The following SKAP1 variants were observed in gnomAD, a reference collection of about 807,000 sequenced individuals.
SKAP1 encodes src kinase-associated phosphoprotein 1.
In SKAP1, 44 loss-of-function variants were observed where a neutral mutation model predicts 58.5. The ratio of observed to expected loss-of-function variants is 0.75; its 90% CI spans 0.59 to 0.97. The LOEUF is 0.97. SKAP1 is among the 50% of genes least tolerant of loss of function. The pLI is 0.00. For synonymous variants in SKAP1, 127 were observed against 149.7 expected, an observed-to-expected ratio of 0.85 and a Z score of 1.11; for missense variants, 390 against 435.2, an observed-to-expected ratio of 0.90 and a Z score of 0.92.
chr17:48,206,433 G>A (rs63720660), intron 4 of SKAP1, among the ~76,000 whole-genome samples: 6 of 31,618 alleles, frequency 1.9e-4, no homozygotes, highest in Non-Finnish European at 5.6e-4. Context: ...AAATAAAGAC[G>A]TTTTTTTTTA....
At chr17:48,318,570 T>C (rs1266754402) in intron 4 of SKAP1, among the ~76,000 whole-genome samples, 1 of 152,228 alleles carries the variant, frequency 6.6e-6, no homozygotes, top group Non-Finnish European at 1.5e-5. Context: ...CTTTTAAAAA[T>C]CTTTGCTTTC....
At chr17:48,399,234 C>T (rs1043904870) in intron 1 of SKAP1, among the ~76,000 whole-genome samples, 4 of 152,018 alleles carry the variant, frequency 2.6e-5, no homozygotes, top group Admixed American at 1.3e-4. Context: ...AAATGGGAAG[C>T]TGAATTAAAA....
At chr17:48,437,714 C>T in the SKAP1 span, among the ~76,000 whole-genome samples, 6 of 137,258 alleles carry the variant, frequency 4.4e-5, no homozygotes, top group Non-Finnish European at 9.1e-5. Flanking sequence ...TGCACTCCAG[C>T]CTGGGAGACA....
intron 4 of SKAP1, among the ~76,000 whole-genome samples, chr17:48,221,315 C>T (rs567329712): frequency 1.3e-5 from 2 of 152,000 alleles, no homozygotes; most frequent in African/African-American, 4.8e-5. Context: ...TTATGATTTG[C>T]GCATTTTTCT....
chr17:48,285,846 G>A (rs2065823710), intron 4 of SKAP1, among the ~76,000 whole-genome samples: 1 of 152,132 alleles, frequency 6.6e-6, no homozygotes, highest in Non-Finnish European at 1.5e-5. Context: ...AGATGTATAT[G>A]AACATTCCTG....
At position 48,401,947 on chromosome 17, in the gene SKAP1, C is replaced by A. The variant is rs189268415; in HGVS notation, c.47-5162G>T. Among the ~76,000 whole-genome samples the A allele has an allele frequency of 4.3e-3, 653 of 152,142 alleles. 4 individuals carry two copies. The highest frequency in any genetic ancestry group is 5.3e-3 in the Non-Finnish European group (363 of 67,992). ...AGTAATAATAAGACAAATAGCCCAA[C>A]TGAAAAATGAGAAAAGGAACTGAAT... On this transcript the variant is annotated intron_variant, in intron 1 of 12. Transcript: ENST00000336915.
chr17:48,410,934 C>CAA lies in SKAP1; in HGVS notation c.47-14151_47-14150dup, dbSNP rs61705374. 3.5e-3 allele frequency among the ~76,000 whole-genome samples: 236 copies of CAA among 66,806 alleles called. 2 individuals carry two copies. The highest frequency in any genetic ancestry group is 0.017 in the East Asian group (40 of 2,320). The allele number at this position is 66,806 out of a possible 152,430, so 43.8% of individuals were successfully genotyped here. On this transcript the variant is annotated intron_variant, in intron 1 of 12. Transcript: ENST00000336915. ...AGAGCGACAGAGCGAGACTCCATTT[C>CAA]AAAAAAAAAAAAAAAAAAAAAAAGA...
chr17:48,182,575 T>C, intron 7 of SKAP1, 118 bp from the exon 8 acceptor site: 2 of 691,574 alleles, frequency 2.9e-6, no homozygotes, highest in Non-Finnish European at 5.0e-6. Context: ...AGCTCAGGAT[T>C]CTCTGCCTGC....
At chr17:48,199,739 G>A (rs1279918831) in intron 4 of SKAP1, among the ~76,000 whole-genome samples, 3 of 152,062 alleles carry the variant, frequency 2.0e-5, no homozygotes, top group South Asian at 2.1e-4. Flanking sequence ...TAGAAAAAGG[G>A]CTATTCCTGG....
chr17:48,406,900 A>C (rs1370885671), intron 1 of SKAP1, among the ~76,000 whole-genome samples: 1 of 151,906 alleles, frequency 6.6e-6, no homozygotes, highest in African/African-American at 2.4e-5. Flanking sequence ...ATAGGGTTTC[A>C]CCATGTTGCC....
In SKAP1 at chr17:48,137,200, AGGCAGTTCATT is replaced by A. The variant is rs2063711393; in HGVS notation, c.*7+18_*7+28del. ...GGCCCACAAGTTCCACTCAACTATT[AGGCAGTTCATT>A]GGCCATGGTTCTGATACCTGGGTTT... On this transcript the variant is annotated intron_variant, in intron 12 of 12. Coordinates refer to ENST00000336915, the MANE Select transcript of SKAP1 (RefSeq NM_003726.4). 2.1e-6 allele frequency: 3 copies of A among 1,397,968 alleles called. No homozygotes were observed. 86.6% of individuals were successfully genotyped at this position (1,397,968 alleles called of 1,614,324 possible).
intron 4 of SKAP1, among the ~76,000 whole-genome samples, chr17:48,320,422 C>T (rs1269435920): frequency 6.6e-6 from 1 of 152,106 alleles, no homozygotes; most frequent in Non-Finnish European, 1.5e-5. Flanking sequence ...AAACCTATAA[C>T]ATAGTAGAAA....
intron 1 of SKAP1, among the ~76,000 whole-genome samples, chr17:48,415,743 C>T (rs1176333440): frequency 6.6e-6 from 1 of 152,116 alleles, no homozygotes; most frequent in Non-Finnish European, 1.5e-5. Flanking sequence ...TGGTCTCTTC[C>T]CTAATCCTCA....
chr17:48,209,890 C>T (rs2064851102), intron 4 of SKAP1, among the ~76,000 whole-genome samples: 1 of 152,196 alleles, frequency 6.6e-6, no homozygotes, highest in South Asian at 2.1e-4. Context: ...TCCAAAATAT[C>T]TTTTCAACTG....
At chr17:48,258,975 G>A (rs1216284560) in intron 4 of SKAP1, among the ~76,000 whole-genome samples, 1 of 152,026 alleles carries the variant, frequency 6.6e-6, no homozygotes, top group African/African-American at 2.4e-5. Context: ...GATTCAGAAT[G>A]ATTAATACTT....
chr17:48,368,358 C>A (rs577265190), intron 2 of SKAP1, among the ~76,000 whole-genome samples: 2 of 152,308 alleles, frequency 1.3e-5, no homozygotes, highest in Admixed American at 6.5e-5. Flanking sequence ...AATTCTTACC[C>A]TTTTTCTGAA....
Position 48,203,223 on chromosome 17 carries a change from G to A in SKAP1, c.281-13723C>T, listed in dbSNP as rs1197539418. ...TCCGTGCACAGGGACACAGACACTG[G>A]ACTTCATTAAGCTCAACTTTCTTTT... On this transcript the variant is annotated intron_variant, in intron 4 of 12. Coordinates refer to ENST00000336915, the MANE Select transcript of SKAP1 (RefSeq NM_003726.4). Among the ~76,000 whole-genome samples the A allele has an allele frequency of 2.0e-5, 3 of 152,186 alleles. No homozygotes were observed. In the East Asian group the frequency reaches 5.8e-4, roughly 29 times the overall value.
At chr17:48,204,973 T>TTTTTTC (rs2064778472) in intron 4 of SKAP1, among the ~76,000 whole-genome samples, 1 of 77,296 alleles carries the variant, frequency 1.3e-5, no homozygotes, top group Admixed American at 1.4e-4. Context: ...TTTTCTTTTC[T>TTTTTTC]TTTCTTTCTT....
the SKAP1 span, among the ~76,000 whole-genome samples, chr17:48,442,347 A>G: frequency 6.6e-6 from 1 of 152,170 alleles, no homozygotes; most frequent in Non-Finnish European, 1.5e-5. Context: ...AAAGCAATCT[A>G]TCCATCATAC....
Sources: allele counts gnomAD v4.1 joint callset (sites outside exome capture counted in the v4.1 genomes callset), GRCh38; gene constraint gnomAD v4.1.1; transcripts MANE v1.5; gene names NCBI Gene and HGNC (gene_info 2026-07-23, HGNC 2026-07-21).